COL21A1: variants seen among roughly 807,000 people sequenced by gnomAD.
COL21A1 encodes the protein collagen alpha-1(XXI) chain.
In COL21A1, 149 loss-of-function variants were observed where a neutral mutation model predicts 137.9. That is an observed-to-expected ratio of 1.08 (90% CI 0.95 to 1.24). The LOEUF (loss-of-function observed/expected upper bound fraction) is 1.24. Ranked by LOEUF, COL21A1 falls within the 50% of genes most tolerant of loss-of-function variation. COL21A1 has a pLI of 0.00. For missense variants in COL21A1, 1,167 were observed against 1,158.4 expected (o/e 1.01, Z -0.11); for synonymous variants, 456 against 391.5 (o/e 1.16, Z -1.95).
chr6:56,202,434 C>T (rs897556197), intron 1 of COL21A1, among the ~76,000 whole-genome samples: 1 of 152,194 alleles, frequency 6.6e-6, no homozygotes. Context: ...CTTTGCCATT[C>T]TCTTTCATCA....
intron 1 of COL21A1, among the ~76,000 whole-genome samples, chr6:56,341,320 A>C (rs1476444018): frequency 6.6e-6 from 1 of 152,228 alleles, no homozygotes; most frequent in Non-Finnish European, 1.5e-5. Context: ...TTTTCAGATA[A>C]TGTCAATAAA....
chr6:56,182,505 A>G (rs975441337), intron 2 of COL21A1, 26 bp downstream of exon 2: 11 of 1,473,862 alleles, frequency 7.5e-6, no homozygotes, highest in African/African-American at 1.4e-5. Flanking sequence ...TTGATAACAA[A>G]AAAGGACAAT....
intron 12 of COL21A1, among the ~76,000 whole-genome samples, chr6:56,135,237 A>G (rs896034676): frequency 2.0e-5 from 3 of 152,116 alleles, no homozygotes; most frequent in Non-Finnish European, 4.4e-5. Flanking sequence ...CACACATACA[A>G]ACAACAACTT....
chr6:56,192,492 G>GA (rs140079125), intron 1 of COL21A1, among the ~76,000 whole-genome samples: 97,036 of 150,092 alleles, frequency 0.65, 31,670 homozygotes, highest in East Asian at 0.86. Flanking sequence ...AAATTTACAA[G>GA]AAAAAAAAAC....
At position 56,129,675 on chromosome 6, in the gene COL21A1, C is replaced by CGTGTGTGTGTGTGTGTGT. The variant is rs78820557; in HGVS notation, c.1543-3544_1543-3527dup. On this transcript the variant is annotated intron_variant, in intron 12 of 29. Transcript: ENST00000244728. ...TGTTGCTTCCTCTGTCACGTGCGTGCGTGTGTGTGTGTGTGTGTGTGTGTG... is the reference window on the plus strand; with the variant it reads ...TGTTGCTTCCTCTGTCACGTGCGTGCGTGTGTGTGTGTGTGTGTGTGTGTGTGTGTGTGTGTGTGTGTG... Among the ~76,000 whole-genome samples the CGTGTGTGTGTGTGTGTGT allele has an allele frequency of 2.7e-3, 375 of 136,494 alleles. 6 individuals are homozygous for CGTGTGTGTGTGTGTGTGT. Among genetic ancestry groups the CGTGTGTGTGTGTGTGTGT allele is most frequent in the Admixed American group, 0.021 (292 of 13,636 alleles). The allele number at this position is 136,494 out of a possible 152,430, so 89.5% of individuals were successfully genotyped here.
At chr6:56,183,230 T>C (rs1778028745) in intron 1 of COL21A1, among the ~76,000 whole-genome samples, 1 of 152,058 alleles carries the variant, frequency 6.6e-6, no homozygotes, top group Non-Finnish European at 1.5e-5. Flanking sequence ...TTGCAAGAGA[T>C]TGTCATTCAC....
In COL21A1 at chr6:56,179,584, A is replaced by C. The variant is rs1221486826; in HGVS notation, c.634T>G (p.Cys212Gly). ...AAGGCATTTTAAGGCTTACCTTCAC[A>C]AAGTTTCTGCTTCATCACTTCCCTT... ...KIREVMKQKL[C>G]EESVCPTRIP... is the part of the protein sequence containing the mutation. Residue 212 changes from cysteine (C) to glycine (G), a missense_variant, in exon 3 of 30, where the codon TGT becomes GGT. Transcript: ENST00000244728. The C allele has an allele frequency of 6.2e-7, 1 of 1,604,744 alleles. No individual in the cohort carries two copies. The highest frequency in any genetic ancestry group is 1.3e-5 in the African/African-American group (1 of 74,706).
chr6:56,225,956 G>A (rs1230826782), intron 1 of COL21A1: 7 of 151,952 alleles, frequency 4.6e-5, no homozygotes, highest in Admixed American at 4.6e-4. Context: ...AGAGCATCCT[G>A]TCTTCATTGT....
chr6:56,241,190 A>G (rs1221236300), intron 1 of COL21A1, among the ~76,000 whole-genome samples: 2 of 152,234 alleles, frequency 1.3e-5, no homozygotes, highest in Non-Finnish European at 2.9e-5. Flanking sequence ...GGAGGTAATT[A>G]GATAACAAGA....
intron 1 of COL21A1, among the ~76,000 whole-genome samples, chr6:56,205,361 G>T (rs535585377): frequency 7.2e-5 from 11 of 152,162 alleles, no homozygotes; most frequent in Middle Eastern, 3.4e-3. Flanking sequence ...TAGCCAAATC[G>T]ATCAAGAGGA....
intron 1 of COL21A1, among the ~76,000 whole-genome samples, chr6:56,219,246 G>A (rs1055023468): frequency 7.8e-6 from 1 of 127,812 alleles, no homozygotes; most frequent in African/African-American, 3.1e-5. Context: ...AAAAGGTCAC[G>A]GTCACTGTTT....
At chr6:56,342,762 C>T (rs1765500219) in intron 1 of COL21A1, among the ~76,000 whole-genome samples, 1 of 152,082 alleles carries the variant, frequency 6.6e-6, no homozygotes, top group African/African-American at 2.4e-5. Context: ...TTGTAAAGCC[C>T]AACTCTGCAA....
chr6:56,166,629 C>T (rs60395364), intron 7 of COL21A1: 7 of 468,124 alleles, frequency 1.5e-5, no homozygotes, highest in South Asian at 4.3e-5. Flanking sequence ...CCAGCCTGGG[C>T]GACAAGAGTG....
At chr6:56,240,342 G>A (rs886760675) in intron 1 of COL21A1, among the ~76,000 whole-genome samples, 14 of 152,034 alleles carry the variant, frequency 9.2e-5, no homozygotes, top group South Asian at 2.1e-4. Flanking sequence ...GCCATGAGGC[G>A]CCACCCTGGA....
chr6:56,287,824 T>C (rs559409659), intron 1 of COL21A1, among the ~76,000 whole-genome samples: 1 of 152,022 alleles, frequency 6.6e-6, no homozygotes, highest in Middle Eastern at 3.4e-3. Context: ...TTCTTACAAG[T>C]AGAAGAGGGA....
chr6:56,263,962 A>G (rs1457656998), intron 1 of COL21A1, among the ~76,000 whole-genome samples: 1 of 126,564 alleles, frequency 7.9e-6, no homozygotes, highest in Non-Finnish European at 1.7e-5. Flanking sequence ...AACCACTCTC[A>G]TACACAAACA....
At position 56,064,611 on chromosome 6, in the gene COL21A1, TC is replaced by T; in HGVS notation, c.2138del (p.Gly713GlufsTer47). The T allele has an allele frequency of 6.3e-7, 1 of 1,592,136 alleles. No individual in the cohort carries two copies. The highest frequency in any genetic ancestry group is 1.1e-5 in the South Asian group (1 of 87,836). On this transcript the variant is annotated frameshift_variant, in exon 24 of 30. Coordinates refer to ENST00000244728, the MANE Select transcript of COL21A1 (RefSeq NM_030820.4). LOFTEE classifies it high-confidence loss of function. Reference sequence around the variant, plus strand: ...CTGGAATTCCCTGTCTTCCATTTTCTCCCTTTTGACCCTTTAAAATAAAAAA... The same window carrying T: ...CTGGAATTCCCTGTCTTCCATTTTCTCCTTTTGACCCTTTAAAATAAAAAA... ...QGEKGIQGQKGENGRQGIPGQ... is the reference protein window; with the variant it reads ...QGEKGIQGQKXENGRQGIPGQ...
intron 1 of COL21A1, among the ~76,000 whole-genome samples, chr6:56,314,724 A>G (rs983677270): frequency 6.6e-6 from 1 of 152,166 alleles, no homozygotes; most frequent in Non-Finnish European, 1.5e-5. Flanking sequence ...AGTTTTATGT[A>G]CCATTTGTGA....
intron 1 of COL21A1, among the ~76,000 whole-genome samples, chr6:56,199,690 G>A (rs888388523): frequency 1.3e-5 from 2 of 152,104 alleles, no homozygotes; most frequent in Admixed American, 1.3e-4. Context: ...AGAGAATAAG[G>A]CCTGATTGGG....
Sources: allele counts gnomAD v4.1 joint callset (sites outside exome capture counted in the v4.1 genomes callset), GRCh38; gene constraint gnomAD v4.1.1; transcripts MANE v1.5; gene names NCBI Gene and HGNC (gene_info 2026-07-23, HGNC 2026-07-21).